SPINK14: variants seen among roughly 807,000 people sequenced by gnomAD.
SPINK14 encodes the protein serine peptidase inhibitor Kazal type 14 (putative), also known as serine protease inhibitor Kazal-type 14.
In SPINK14, 6 loss-of-function variants were observed where a neutral mutation model predicts 14.2. That is an observed-to-expected ratio of 0.42 (90% CI 0.23 to 0.83). The LOEUF (loss-of-function observed/expected upper bound fraction) is 0.83. SPINK14 is among the 40% of genes least tolerant of loss of function. The probability of loss-of-function intolerance (pLI) is 0.28; values close to 1 mark genes in which losing one functional copy is unlikely to be tolerated. For synonymous variants in SPINK14, 34 were observed against 36.8 expected (o/e 0.92, Z 0.27); for missense variants, 86 against 108.3 (o/e 0.79, Z 0.91).
intron 2 of SPINK14, 36 bp downstream of exon 2, chr5:148,169,835 A>G: frequency 6.4e-7 from 1 of 1,573,208 alleles, no homozygotes; most frequent in Non-Finnish European, 8.7e-7. Context: ...AGCAGTTGAA[A>G]TTGATTTGTG....
At chr5:148,171,766 G>A (rs1045642563) in intron 3 of SPINK14, among the ~76,000 whole-genome samples, 1 of 151,996 alleles carries the variant, frequency 6.6e-6, no homozygotes, top group Non-Finnish European at 1.5e-5. Context: ...CAAGAGACCC[G>A]GGGACCAGAA....
chr5:148,172,548 C>T (rs1755119365), intron 3 of SPINK14, among the ~76,000 whole-genome samples: 1 of 152,120 alleles, frequency 6.6e-6, no homozygotes, highest in African/African-American at 2.4e-5. Flanking sequence ...AATATATGTG[C>T]TGGGCACATA....
At chr5:148,170,821 T>G (rs1755094937) in intron 2 of SPINK14, 109 bp from the exon 3 acceptor site, 1 of 913,162 alleles carries the variant, frequency 1.1e-6, no homozygotes, top group South Asian at 1.5e-5. Flanking sequence ...ATGTTTTCCA[T>G]TGCTGAAAAC....
In SPINK14 at chr5:148,174,020, A is replaced by C. The variant is rs1243874782; in HGVS notation, c.112-214A>C. On this transcript the variant is annotated intron_variant, in intron 3 of 4. Coordinates refer to ENST00000356972, the MANE Select transcript of SPINK14 (RefSeq NM_001001325.2). ...CATGCCAGGCTAATTAAAAAAAAAA[A>C]AACTGGAGAGACAGGGTATCGCTCT... Among the ~76,000 whole-genome samples the C allele has an allele frequency of 2.2e-5, 2 of 91,472 alleles. 1 individual carries two copies. The highest frequency in any genetic ancestry group is 9.2e-5 in the African/African-American group (2 of 21,744). 60.0% of individuals were successfully genotyped at this position (91,472 alleles called of 152,430 possible). A position where few individuals can be genotyped will look rare whatever the true frequency, so the allele number is the denominator to read the frequency against.
intron 2 of SPINK14, among the ~76,000 whole-genome samples, 196 bp from the exon 3 acceptor site, chr5:148,170,734 C>T (rs12332430): frequency 0.1 from 15,653 of 151,890 alleles, 1,612 homozygotes; most frequent in African/African-American, 0.26. Context: ...CTATATAGTC[C>T]CCTGCTGATA....
chr5:148,169,633 T>A, intron 1 of SPINK14, 28 bp from the exon 2 acceptor site: 1 of 907,016 alleles, frequency 1.1e-6, no homozygotes, highest in East Asian at 2.7e-5. Context: ...GTAAAAGTCA[T>A]CTTAAATCCT....
At chr5:148,173,388 CAT>C (rs1322688770) in intron 3 of SPINK14, among the ~76,000 whole-genome samples, 1 of 152,042 alleles carries the variant, frequency 6.6e-6, no homozygotes, top group Non-Finnish European at 1.5e-5. Flanking sequence ...CCTGAGGAGA[CAT>C]GTCCCTTCCT....
chr5:148,174,506 C>T lies in SPINK14; in HGVS notation c.248+136C>T, dbSNP rs1402169760. 4 of 499,066 alleles carry T rather than the reference C, an allele frequency of 8.0e-6. 1 individual carries two copies. The highest frequency in any genetic ancestry group is 3.1e-5 in the African/African-American group (1 of 32,204). The allele number at this position is 499,066 out of a possible 1,614,324, so 30.9% of individuals were successfully genotyped here. On this transcript the variant is annotated intron_variant, in intron 4 of 4. Transcript: ENST00000356972. The stretch of plus-strand genomic sequence containing the variant: ...GTTCACACAGATAATAATCAGCACC[C>T]ACTCAGAAAAGCACATAGTAATTGA...
intron 3 of SPINK14, 34 bp downstream of exon 3, chr5:148,171,007 C>T: frequency 6.3e-7 from 1 of 1,592,770 alleles, no homozygotes; most frequent in Non-Finnish European, 8.6e-7. Flanking sequence ...CCAGGACTTA[C>T]ATTATAATAT....
chr5:148,170,934 A>T lies in SPINK14; in HGVS notation c.72A>T (p.Ser24=), dbSNP rs757045427. 4.3e-6 allele frequency: 7 copies of T among 1,611,756 alleles called. No individual in the cohort carries two copies. In the South Asian group the frequency reaches 7.7e-5, roughly 18 times the overall value. The change falls in exon 3 of 5, where the codon TCA becomes TCT. Residue 24 remains serine, a synonymous_variant. Transcript: ENST00000356972. ...ILIHLVLSSV[S]GPRHWWPPRG... ...CTATTTTCATGTATTCTCTAGTTTC[A>T]GGCCCTAGACACTGGTGGCCACCAC... is the stretch of plus-strand genomic sequence containing the variant.
intron 4 of SPINK14, 84 bp from the exon 5 acceptor site, chr5:148,175,269 T>G: frequency 1.1e-6 from 1 of 914,324 alleles, no homozygotes; most frequent in Non-Finnish European, 1.7e-6. Context: ...TAAAACCAGG[T>G]TTTAGATAGA....
chr5:148,172,698 C>T (rs148960414), intron 3 of SPINK14, among the ~76,000 whole-genome samples: 2 of 151,992 alleles, frequency 1.3e-5, no homozygotes, highest in African/African-American at 4.8e-5. Context: ...GAGTTGTGAC[C>T]GTATTTTAAT....
In SPINK14 at chr5:148,170,992, T is replaced by C. The variant is rs1561720793; in HGVS notation, c.111+19T>C. The stretch of plus-strand genomic sequence containing the variant: ...TATTAAGGTAATGTTCCATTAAATT[T>C]CCCCCCAGGACTTACATTATAATAT... On this transcript the variant is annotated intron_variant, in intron 3 of 4. Coordinates refer to ENST00000356972, the MANE Select transcript of SPINK14 (RefSeq NM_001001325.2). 1 of 1,610,370 alleles carries C rather than the reference T, an allele frequency of 6.2e-7. No homozygotes were observed. Among genetic ancestry groups the C allele is most frequent in the Admixed American group, 1.7e-5 (1 of 59,800 alleles).
In SPINK14 at chr5:148,169,756, C is replaced by T. The variant is rs534179773; in HGVS notation, c.24C>T (p.Phe8=). MAKSFPV[F]SLLSFILIHL... ...AAATGGCCAAATCTTTCCCAGTATT[C>T]TCACTTTTGTCCTTTATCTTGATAC... The change falls in exon 2 of 5, where the codon TTC becomes TTT. Residue 8 remains phenylalanine, a synonymous_variant. Coordinates refer to ENST00000356972, the MANE Select transcript of SPINK14 (RefSeq NM_001001325.2). The T allele has an allele frequency of 6.2e-7, 1 of 1,606,254 alleles. No homozygotes were observed. Among genetic ancestry groups the T allele is most frequent in the Non-Finnish European group, 8.5e-7 (1 of 1,176,260 alleles).
chr5:148,170,050 T>A (rs953502037), intron 2 of SPINK14, among the ~76,000 whole-genome samples: 1 of 146,392 alleles, frequency 6.8e-6, no homozygotes, highest in Non-Finnish European at 1.5e-5. Context: ...ACTCTCTCTG[T>A]CTCTATATTT....
chr5:148,169,655 C>T lies in SPINK14; in HGVS notation c.-72-6C>T, dbSNP rs931238260. On this transcript the variant is annotated splice_polypyrimidine_tract_variant and splice_region_variant and intron_variant, in intron 1 of 4. Coordinates refer to ENST00000356972, the MANE Select transcript of SPINK14 (RefSeq NM_001001325.2). ...TCATCTTAAATCCTGATTGTCTCTA[C>T]TTTAGTGATTGTATTAGAGGGCAAC... 1.1e-4 allele frequency: 130 copies of T among 1,155,930 alleles called. 1 individual carries two copies. In the South Asian group the frequency reaches 1.7e-3, roughly 15 times the overall value. The allele number at this position is 1,155,930 out of a possible 1,614,324, so 71.6% of individuals were successfully genotyped here. A position where few individuals can be genotyped will look rare whatever the true frequency, so the allele number is the denominator to read the frequency against.
intron 3 of SPINK14, among the ~76,000 whole-genome samples, chr5:148,172,200 T>G (rs1417498065): frequency 6.6e-6 from 1 of 152,134 alleles, no homozygotes; most frequent in Non-Finnish European, 1.5e-5. Flanking sequence ...CATGGGGATA[T>G]CTAAGGTGAG....
At chr5:148,170,781 AAATG>A (rs1374077410) in intron 2 of SPINK14, 145 bp from the exon 3 acceptor site, 30 of 714,868 alleles carry the variant, frequency 4.2e-5, no homozygotes, top group Non-Finnish European at 6.3e-5. Context: ...ACATTTAAAA[AAATG>A]AATGAATACA....
Position 148,174,270 on chromosome 5 carries a change from T to A in SPINK14, c.148T>A (p.Tyr50Asn). ...CPYEKVNLSWYNGTVNPCPGL... is the reference protein window; with the variant it reads ...CPYEKVNLSWNNGTVNPCPGL... Reference sequence around the variant, plus strand: ...ATATGAGAAAGTAAACTTGAGCTGGTACAATGGAACGGTCAACCCCTGCCC... The same window carrying A: ...ATATGAGAAAGTAAACTTGAGCTGGAACAATGGAACGGTCAACCCCTGCCC... Residue 50 changes from tyrosine (Y) to asparagine (N), a missense_variant, in exon 4 of 5, where the codon TAC becomes AAC. Tyr to Asn is a moderately radical substitution (Grantham distance 143). Transcript: ENST00000356972. 1.8e-6 allele frequency: 2 copies of A among 1,114,514 alleles called. 1 individual carries two copies. The highest frequency in any genetic ancestry group is 4.1e-5 in the Admixed American group (2 of 49,036). 69.0% of individuals were successfully genotyped at this position (1,114,514 alleles called of 1,614,324 possible). A position where few individuals can be genotyped will look rare whatever the true frequency, so the allele number is the denominator to read the frequency against.
Sources: gnomAD v4.1 joint callset for allele counts (sites outside exome capture counted in the v4.1 genomes callset) on GRCh38, gnomAD v4.1.1 for gene constraint, MANE v1.5 for transcripts, NCBI Gene and HGNC (gene_info 2026-07-23, HGNC 2026-07-21) for gene names.